The following CPEB2 variants were observed in gnomAD, a reference collection of about 807,000 sequenced individuals.
The protein encoded by CPEB2 is cytoplasmic polyadenylation element-binding protein 2.
CPEB2 carries 56 observed loss-of-function variants against 93.6 expected under a neutral mutation model. The ratio of observed to expected loss-of-function variants is 0.60; its 90% CI spans 0.48 to 0.75. The LOEUF is 0.75. Ranked by LOEUF, CPEB2 falls within the 30% of genes least tolerant of loss-of-function variation. CPEB2 has a pLI of 0.00. For synonymous variants in CPEB2, 764 were observed against 586.3 expected (o/e 1.30, Z -4.38); for missense variants, 1,579 against 1,395.1 (o/e 1.13, Z -2.10).
At chr4:15,026,201 A>G (rs956597837) in intron 4 of CPEB2, among the ~76,000 whole-genome samples, 1 of 150,414 alleles carries the variant, frequency 6.6e-6, no homozygotes, top group Non-Finnish European at 1.5e-5. Flanking sequence ...CACTTTTCTT[A>G]TTTTAGATTC....
chr4:15,023,392 C>G (rs1027516616), intron 4 of CPEB2, among the ~76,000 whole-genome samples: 29 of 151,468 alleles, frequency 1.9e-4, no homozygotes, highest in African/African-American at 6.8e-4. Flanking sequence ...GTTTGTTTTC[C>G]TGTTACAAAA....
intron 6 of CPEB2, among the ~76,000 whole-genome samples, chr4:15,043,694 A>C (rs1458625384): frequency 6.6e-6 from 1 of 152,078 alleles, no homozygotes; most frequent in Non-Finnish European, 1.5e-5. Context: ...AAAAGGAATA[A>C]AAATATATAG....
rs1176877345 is a variant in CPEB2 at position 15,003,036 on chromosome 4, C to G, written c.363C>G (p.His121Gln). 9 of 1,508,602 alleles carry G rather than the reference C, an allele frequency of 6.0e-6. No individual in the cohort carries two copies. The highest frequency in any genetic ancestry group is 1.4e-5 in the African/African-American group (1 of 71,002). 93.5% of individuals were successfully genotyped at this position (1,508,602 alleles called of 1,614,324 possible). A position where few individuals can be genotyped will look rare whatever the true frequency, so the allele number is the denominator to read the frequency against. ...GAAATEKLPD[H>Q]HPGGGTIAGV... is the part of the protein sequence containing the mutation. Reference sequence around the variant, plus strand: ...CGGCCACGGAGAAACTCCCCGACCACCACCCCGGCGGCGGCACGATCGCGG... The same window carrying G: ...CGGCCACGGAGAAACTCCCCGACCAGCACCCCGGCGGCGGCACGATCGCGG... The change falls in exon 1 of 12, where the codon CAC becomes CAG. Residue 121 changes from histidine (H) to glutamine (Q), a missense_variant. Transcript: ENST00000538197.
At chr4:15,048,290 C>A (rs530144641) in intron 6 of CPEB2, among the ~76,000 whole-genome samples, 5 of 151,984 alleles carry the variant, frequency 3.3e-5, no homozygotes, top group African/African-American at 7.2e-5. Flanking sequence ...ATAAAATTGC[C>A]ATTTTTTCTT....
At chr4:15,034,695 A>T (rs1577417615) in intron 5 of CPEB2, among the ~76,000 whole-genome samples, 1 of 152,192 alleles carries the variant, frequency 6.6e-6, no homozygotes. Context: ...AATTTTTTTT[A>T]AAACTTTTTT....
Position 15,003,790 on chromosome 4 carries a change from C to T in CPEB2, c.1117C>T (p.Pro373Ser), listed in dbSNP as rs760093610. The change falls in exon 1 of 12, where the codon CCG becomes TCG. Residue 373 changes from proline to serine, a missense_variant. Coordinates refer to ENST00000538197, the MANE Select transcript of CPEB2 (RefSeq NM_001177382.2). ...CGGAGGGGGAGGCGGCTCCGCGTCG[C>T]CGCCGCCGCTGCCCGGCTTCGGCAC... ...GGGGGGGSAS[P>S]PPLPGFGTPW... 9.3e-7 allele frequency: 1 copy of T among 1,078,870 alleles called. No individual in the cohort carries two copies. Among genetic ancestry groups the T allele is most frequent in the Non-Finnish European group, 1.2e-6 (1 of 861,448 alleles). The allele number at this position is 1,078,870 out of a possible 1,614,324, so 66.8% of individuals were successfully genotyped here. A position where few individuals can be genotyped will look rare whatever the true frequency, so the allele number is the denominator to read the frequency against.
intron 3 of CPEB2, among the ~76,000 whole-genome samples, chr4:15,013,423 A>G (rs911135549): frequency 6.6e-6 from 1 of 152,000 alleles, no homozygotes; most frequent in African/African-American, 2.4e-5. Context: ...TGTAAATTAC[A>G]TTGCTATGAT....
At chr4:15,059,395 C>T in intron 10 of CPEB2, 94 bp downstream of exon 10, 3 of 760,472 alleles carry the variant, frequency 3.9e-6, no homozygotes, top group South Asian at 1.9e-5. Flanking sequence ...GTACATGACA[C>T]TATTGGACAG....
chr4:15,031,749 A>G (rs964880692), intron 4 of CPEB2, among the ~76,000 whole-genome samples: 3 of 152,192 alleles, frequency 2.0e-5, no homozygotes, highest in African/African-American at 4.8e-5. Context: ...TTGGGTACCT[A>G]TCATATATAT....
chr4:15,056,347 A>G (rs1422282248), intron 8 of CPEB2, among the ~76,000 whole-genome samples: 2 of 152,186 alleles, frequency 1.3e-5, no homozygotes, highest in African/African-American at 4.8e-5. Context: ...GGATGGAGAA[A>G]GATGCAGATT....
chr4:15,052,603 A>C lies in CPEB2; in HGVS notation c.2371+19A>C. Reference sequence around the variant, plus strand: ...GATGAAGGTATTTATTAAGATATTTATTAACATGGTGATTTGGGCTTTAAC... The same window carrying C: ...GATGAAGGTATTTATTAAGATATTTCTTAACATGGTGATTTGGGCTTTAAC... On this transcript the variant is annotated intron_variant, in intron 7 of 11. Transcript: ENST00000538197. 1 of 1,435,624 alleles carries C rather than the reference A, an allele frequency of 7.0e-7. No homozygotes were observed. The highest frequency in any genetic ancestry group is 9.3e-7 in the Non-Finnish European group (1 of 1,071,318). 88.9% of individuals were successfully genotyped at this position (1,435,624 alleles called of 1,614,324 possible).
intron 5 of CPEB2, among the ~76,000 whole-genome samples, chr4:15,040,192 T>C (rs538778176): frequency 6.6e-6 from 1 of 152,300 alleles, no homozygotes; most frequent in Non-Finnish European, 1.5e-5. Flanking sequence ...AACAAATACT[T>C]GTGAATTTTA....
chr4:15,032,643 A>G (rs1726238352), intron 4 of CPEB2, among the ~76,000 whole-genome samples: 2 of 152,074 alleles, frequency 1.3e-5, no homozygotes, highest in Admixed American at 6.6e-5. Flanking sequence ...TTTTCATTAA[A>G]CTAATTTATT....
chr4:15,018,339 A>T (rs898284086), intron 4 of CPEB2, among the ~76,000 whole-genome samples: 15 of 151,844 alleles, frequency 9.9e-5, no homozygotes, highest in African/African-American at 3.6e-4. Context: ...TTGTAAAAAG[A>T]ATTCCTTGTC....
At chr4:15,035,398 CAGG>C (rs1252397189) in intron 5 of CPEB2, among the ~76,000 whole-genome samples, 1 of 152,032 alleles carries the variant, frequency 6.6e-6, no homozygotes, top group Non-Finnish European at 1.5e-5. Context: ...CTGCCTGACT[CAGG>C]GGGACTGTTC....
intron 3 of CPEB2, among the ~76,000 whole-genome samples, chr4:15,014,448 C>G (rs1365313440): frequency 6.6e-6 from 1 of 152,038 alleles, no homozygotes; most frequent in Non-Finnish European, 1.5e-5. Context: ...TTTTATAATT[C>G]TATTTTAAAT....
At chr4:15,016,526 C>T (rs1724165739) in intron 3 of CPEB2, among the ~76,000 whole-genome samples, 1 of 151,968 alleles carries the variant, frequency 6.6e-6, no homozygotes, top group Non-Finnish European at 1.5e-5. Flanking sequence ...CTCTCCTCCA[C>T]CTGCCTATTT....
At chr4:15,066,105 G>T in intron 11 of CPEB2, 48 bp from the exon 12 acceptor site, 1 of 1,484,310 alleles carries the variant, frequency 6.7e-7, no homozygotes, top group South Asian at 1.2e-5. Flanking sequence ...TACAGAATTT[G>T]ATTTCTGAAG....
chr4:15,037,227 C>G (rs2702519), intron 5 of CPEB2, among the ~76,000 whole-genome samples: 110,529 of 151,662 alleles, frequency 0.73, 41,117 homozygotes, highest in East Asian at 0.97. Flanking sequence ...GCGTGAACCC[C>G]GGGAGTTGGA....
Sources: gnomAD v4.1 joint callset for allele counts (sites outside exome capture counted in the v4.1 genomes callset) on GRCh38, gnomAD v4.1.1 for gene constraint, MANE v1.5 for transcripts, NCBI Gene and HGNC (gene_info 2026-07-23, HGNC 2026-07-21) for gene names.